The following PLCH1 variants were observed in gnomAD, a reference collection of about 807,000 sequenced individuals.
The protein encoded by PLCH1 is phospholipase C eta 1, also known as 1-phosphatidylinositol 4,5-bisphosphate phosphodiesterase eta-1.
A neutral mutation model predicts 126.7 loss-of-function variants in PLCH1; 60 were observed. The observed-to-expected ratio is 0.47, with a 90% CI of 0.38 to 0.59. The LOEUF (loss-of-function observed/expected upper bound fraction) is 0.59, where lower values mean the gene tolerates loss of function less well. Ranked by LOEUF, PLCH1 falls within the 20% of genes least tolerant of loss-of-function variation. The probability of loss-of-function intolerance (pLI) is 0.00; values close to 1 mark genes in which losing one functional copy is unlikely to be tolerated. For missense variants in PLCH1, 1,723 were observed against 2,040.0 expected, an observed-to-expected ratio of 0.84 and a Z score of 2.99; for synonymous variants, 719 against 734.9, an observed-to-expected ratio of 0.98 and a Z score of 0.35.
intron 6 of PLCH1, among the ~76,000 whole-genome samples, chr3:155,581,163 G>T (rs1730607980): frequency 6.6e-6 from 1 of 152,180 alleles, no homozygotes; most frequent in Non-Finnish European, 1.5e-5. Flanking sequence ...CTGATATTCA[G>T]ATATTAATCC....
rs114436839 is a variant in PLCH1 at position 155,691,561 on chromosome 3, G to A, written c.79+12585C>T. Among the ~76,000 whole-genome samples, 279 of 152,290 alleles carry A rather than the reference G, an allele frequency of 1.8e-3. 3 individuals carry two copies. The highest frequency in any genetic ancestry group is 5.1e-3 in the African/African-American group (213 of 41,554). On this transcript the variant is annotated intron_variant, in intron 2 of 22. Coordinates refer to ENST00000460012, the MANE Select transcript of PLCH1 (RefSeq NM_014996.4). ...GAGCATCAGTTTTCTCACATGTAGC[G>A]TAACAGAGGTAGAGCAGATATCTAC...
intron 15 of PLCH1, among the ~76,000 whole-genome samples, chr3:155,496,987 C>A (rs1029088819): frequency 1.3e-5 from 2 of 152,194 alleles, no homozygotes; most frequent in African/African-American, 4.8e-5. Flanking sequence ...CCATCTGTGA[C>A]CTGGTCCTCA....
chr3:155,570,656 A>G (rs1433367129), intron 6 of PLCH1, among the ~76,000 whole-genome samples: 1 of 152,204 alleles, frequency 6.6e-6, no homozygotes, highest in Non-Finnish European at 1.5e-5. Context: ...AGAAAAATTA[A>G]TGTTGAGAGA....
chr3:155,649,786 G>T (rs1395260169), intron 2 of PLCH1, among the ~76,000 whole-genome samples: 3 of 152,120 alleles, frequency 2.0e-5, no homozygotes, highest in African/African-American at 7.2e-5. Context: ...AGACCTTCCT[G>T]GTTAACACTG....
intron 10 of PLCH1, among the ~76,000 whole-genome samples, chr3:155,526,038 C>A (rs1171526934): frequency 1.3e-5 from 2 of 152,126 alleles, no homozygotes; most frequent in African/African-American, 4.8e-5. Context: ...ATTAGCAAGG[C>A]TTTTTACTAC....
chr3:155,610,964 A>G (rs554062545), intron 2 of PLCH1, among the ~76,000 whole-genome samples: 1 of 152,260 alleles, frequency 6.6e-6, no homozygotes, highest in Non-Finnish European at 1.5e-5. Flanking sequence ...GCTGGTTTTA[A>G]GAGACTTACT....
chr3:155,472,242 G>T (rs1713294741), intron 21 of PLCH1, among the ~76,000 whole-genome samples: 1 of 151,570 alleles, frequency 6.6e-6, no homozygotes, highest in Non-Finnish European at 1.5e-5. Flanking sequence ...ATGATAAAGG[G>T]GATATCACCA....
chr3:155,516,957 AC>A, intron 11 of PLCH1, among the ~76,000 whole-genome samples: 1 of 152,214 alleles, frequency 6.6e-6, no homozygotes, highest in African/African-American at 2.4e-5. Context: ...GAATCGGGGG[AC>A]AATTCCAGGA....
At chr3:155,623,679 C>T (rs938493877) in intron 2 of PLCH1, among the ~76,000 whole-genome samples, 3 of 152,170 alleles carry the variant, frequency 2.0e-5, no homozygotes, top group African/African-American at 7.2e-5. Context: ...AATTCCAGGA[C>T]ACATACACCC....
chr3:155,536,557 A>G (rs1263950479), intron 10 of PLCH1, among the ~76,000 whole-genome samples: 1 of 152,220 alleles, frequency 6.6e-6, no homozygotes, highest in Non-Finnish European at 1.5e-5. Context: ...AAAAGAATCA[A>G]ACAAGTAGAA....
chr3:155,538,538 T>A (rs1048620778), intron 10 of PLCH1, among the ~76,000 whole-genome samples: 1 of 152,018 alleles, frequency 6.6e-6, no homozygotes, highest in Non-Finnish European at 1.5e-5. Flanking sequence ...AAGATCCAAA[T>A]AAGCTCAATT....
chr3:155,560,999 A>G lies in PLCH1; in HGVS notation c.1069+3916T>C, dbSNP rs528341541. On this transcript the variant is annotated intron_variant, in intron 8 of 22. Transcript: ENST00000460012. Reference sequence around the variant, plus strand: ...AGATATAAACCAAAAGGCATTATCTATGCCTTTACTGCTACTTTTAAATGA... The same window carrying G: ...AGATATAAACCAAAAGGCATTATCTGTGCCTTTACTGCTACTTTTAAATGA... 6.6e-5 allele frequency among the ~76,000 whole-genome samples: 10 copies of G among 152,252 alleles called. No homozygotes were observed. In the South Asian group the frequency reaches 1.9e-3, roughly 28 times the overall value.
rs759470578 is a variant in PLCH1, at chr3:155,494,456, T to C, written c.1956A>G (p.Lys652=). The part of the protein sequence containing the change: ...ETRAHQVVQQ[K]SEQFMIYNQK... ...GATTATAAATCATGAACTGCTCTGA[T>C]TTTTGCTGAACAACCTGATGTGCTC... Residue 652 remains lysine (K), a synonymous_variant, in exon 16 of 23, where the codon AAA becomes AAG. Transcript: ENST00000460012. 2.4e-5 allele frequency: 38 copies of C among 1,614,100 alleles called. No homozygotes were observed. The highest frequency in any genetic ancestry group is 3.2e-5 in the Non-Finnish European group (38 of 1,179,936).
At chr3:155,573,210 G>T (rs1729474414) in intron 6 of PLCH1, among the ~76,000 whole-genome samples, 1 of 152,078 alleles carries the variant, frequency 6.6e-6, no homozygotes, top group Non-Finnish European at 1.5e-5. Flanking sequence ...TTATAGCAGA[G>T]GATTTCCTCA....
rs62284692 is a variant in PLCH1, at chr3:155,694,465, G to A, written c.79+9681C>T. On this transcript the variant is annotated intron_variant, in intron 2 of 22. Transcript: ENST00000460012. ...CTACTTAGCTTAAAAACACAATACC[G>A]TGAAATTCTCACATTGGCACAATTT... 3.8e-3 allele frequency among the ~76,000 whole-genome samples: 577 copies of A among 152,282 alleles called. 2 individuals are homozygous for A. Among genetic ancestry groups the A allele is most frequent in the Middle Eastern group, 0.01 (3 of 294 alleles).
chr3:155,487,093 T>C (rs1236084929), intron 21 of PLCH1: 2 of 152,190 alleles, frequency 1.3e-5, no homozygotes, highest in Non-Finnish European at 1.5e-5. Flanking sequence ...CTGACAGATA[T>C]GAAAATAAAC....
chr3:155,501,293 C>T (rs2108142071), intron 13 of PLCH1, among the ~76,000 whole-genome samples: 1 of 152,208 alleles, frequency 6.6e-6, no homozygotes, highest in South Asian at 2.1e-4. Context: ...AATCAAATTT[C>T]CCTTTTGAGA....
chr3:155,570,642 A>G (rs1473278913), intron 6 of PLCH1, among the ~76,000 whole-genome samples: 1 of 152,174 alleles, frequency 6.6e-6, no homozygotes, highest in Non-Finnish European at 1.5e-5. Context: ...CCTGCCTTGT[A>G]GATAGAAAAA....
intron 2 of PLCH1, among the ~76,000 whole-genome samples, chr3:155,691,492 C>A (rs184832494): frequency 6.6e-6 from 1 of 152,332 alleles, no homozygotes; most frequent in Admixed American, 6.5e-5. Context: ...GGCAAGGTTT[C>A]TTCTTCACAA....
Sources: allele counts gnomAD v4.1 joint callset (sites outside exome capture counted in the v4.1 genomes callset), GRCh38; gene constraint gnomAD v4.1.1; transcripts MANE v1.5; gene names NCBI Gene and HGNC (gene_info 2026-07-23, HGNC 2026-07-21).